The following RALGAPA1 variants were observed in gnomAD, a reference collection of about 807,000 sequenced individuals.
RALGAPA1 encodes Ral GTPase activating protein catalytic subunit alpha 1.
A neutral mutation model predicts 269.6 loss-of-function variants in RALGAPA1; 52 were observed. The observed-to-expected ratio is 0.19, with a 90% CI of 0.15 to 0.24. The LOEUF (loss-of-function observed/expected upper bound fraction) is 0.24, where lower values mean the gene tolerates loss of function less well. RALGAPA1 is among the 10% of genes least tolerant of loss of function. The pLI is 1.00. For missense variants in RALGAPA1, 1,917 were observed against 3,013.9 expected, an observed-to-expected ratio of 0.64 and a Z score of 8.52; for synonymous variants, 817 against 1,008.3, an observed-to-expected ratio of 0.81 and a Z score of 3.60.
chr14:35,790,710 T>G (rs2076104902), intron 1 of RALGAPA1, among the ~76,000 whole-genome samples: 1 of 149,744 alleles, frequency 6.7e-6, no homozygotes, highest in African/African-American at 2.5e-5. Context: ...AAAAGAAACC[T>G]TGGAACAAGT....
chr14:35,618,235 T>C lies in RALGAPA1; in HGVS notation c.6929+7126A>G, dbSNP rs1272300212. Among the ~76,000 whole-genome samples the C allele has an allele frequency of 2.0e-5, 3 of 152,002 alleles. No individual in the cohort carries two copies. The East Asian group carries it at 5.8e-4, about 29-fold the overall frequency. ...TAGTGGACTATAACCGAACTCAAAA[T>C]GAAATTCTGGTAAATCTAACACAAC... On this transcript the variant is annotated intron_variant, in intron 35 of 41. Coordinates refer to ENST00000680220, the MANE Select transcript of RALGAPA1 (RefSeq NM_001346249.2).
intron 16 of RALGAPA1, chr14:35,716,218 A>G (rs1197376437): frequency 3.8e-6 from 1 of 264,678 alleles, no homozygotes; most frequent in Non-Finnish European, 5.8e-6. Context: ...ACATGGTGAA[A>G]CCCCTTCTCA....
chr14:35,714,777 G>A (rs1351801084), intron 16 of RALGAPA1, among the ~76,000 whole-genome samples: 1 of 151,956 alleles, frequency 6.6e-6, no homozygotes, highest in South Asian at 2.1e-4. Flanking sequence ...TCTTTTAGAA[G>A]TTATTTCATG....
At chr14:35,772,180 C>T (rs2074684669) in intron 3 of RALGAPA1, among the ~76,000 whole-genome samples, 1 of 152,060 alleles carries the variant, frequency 6.6e-6, no homozygotes, top group Admixed American at 6.6e-5. Context: ...CTCAGCCTCC[C>T]AAATAGGACT....
chr14:35,636,358 A>G (rs1393077815), intron 31 of RALGAPA1, among the ~76,000 whole-genome samples: 1 of 152,210 alleles, frequency 6.6e-6, no homozygotes, highest in East Asian at 1.9e-4. Flanking sequence ...GCTAATCTTT[A>G]AAAACGAACT....
intron 4 of RALGAPA1, among the ~76,000 whole-genome samples, chr14:35,769,051 T>G (rs576946211): frequency 9.2e-6 from 1 of 108,308 alleles, no homozygotes; most frequent in Admixed American, 9.8e-5. Context: ...TATATATATA[T>G]ATATATATAT....
intron 35 of RALGAPA1, among the ~76,000 whole-genome samples, chr14:35,618,463 T>G (rs1186378716): frequency 6.6e-6 from 1 of 152,172 alleles, no homozygotes; most frequent in Non-Finnish European, 1.5e-5. Flanking sequence ...GGGTACTTTT[T>G]CAGCACAATA....
intron 4 of RALGAPA1, among the ~76,000 whole-genome samples, chr14:35,767,991 T>G (rs1188368798): frequency 2.0e-5 from 3 of 152,104 alleles, no homozygotes; most frequent in Admixed American, 2.0e-4. Context: ...CCCAGGCTGG[T>G]CTCGAACTCC....
chr14:35,674,576 A>G lies in RALGAPA1; in HGVS notation c.4758T>C (p.Asp1586=), dbSNP rs774173294. 190 of 1,608,766 alleles carry G rather than the reference A, an allele frequency of 1.2e-4. 4 individuals are homozygous for G. The South Asian group carries it at 2.1e-3, about 18-fold the overall frequency. The change falls in exon 23 of 42, where the codon GAT becomes GAC. Residue 1586 remains aspartate, a synonymous_variant. Transcript: ENST00000680220. ...CAAAAACTTGAGCATGTATTTCAGG[A>G]TCCATGATTGAATTTACATCTCCCA... ...GILGDVNSIM[D]PEIHAQVFDY...
At chr14:35,569,835 T>A (rs1489374253) in intron 39 of RALGAPA1, among the ~76,000 whole-genome samples, 1 of 152,206 alleles carries the variant, frequency 6.6e-6, no homozygotes, top group Non-Finnish European at 1.5e-5. Context: ...TAACAACATG[T>A]ACGCTGAATA....
chr14:35,620,517 T>C (rs1331058830), intron 35 of RALGAPA1, among the ~76,000 whole-genome samples: 1 of 152,028 alleles, frequency 6.6e-6, no homozygotes, highest in East Asian at 1.9e-4. Flanking sequence ...GCCAGGGCAA[T>C]CAAGCAGGAG....
rs1392325198 is a variant in RALGAPA1, at chr14:35,752,220, G to A, written c.664-58C>T. On this transcript the variant is annotated intron_variant, in intron 7 of 41. Transcript: ENST00000680220. ...AGAAGAAAGAATCTCTTAAATGCAA[G>A]TATTAGCAATTATAAACAAGCTTGT... The A allele has an allele frequency of 1.1e-5, 16 of 1,413,798 alleles. No individual in the cohort carries two copies. In the East Asian group the frequency reaches 4.1e-4, roughly 36 times the overall value. The allele number at this position is 1,413,798 out of a possible 1,614,324, so 87.6% of individuals were successfully genotyped here.
chr14:35,688,758 A>G lies in RALGAPA1; in HGVS notation c.3653T>C (p.Leu1218Pro). ...KPGVYRPLDT[L>P]GTASVSSKTV... is the part of the protein sequence containing the mutation. ...TTTGCTGCTTACTGATGCAGTACCAAGTGTATCTAGAGGTCTGTACACACC... is the reference window on the plus strand; with the variant it reads ...TTTGCTGCTTACTGATGCAGTACCAGGTGTATCTAGAGGTCTGTACACACC... Residue 1218 changes from leucine to proline, a missense_variant, in exon 18 of 42, where the codon CTT becomes CCT. Coordinates refer to ENST00000680220, the MANE Select transcript of RALGAPA1 (RefSeq NM_001346249.2). The G allele has an allele frequency of 6.9e-7, 1 of 1,456,814 alleles. No homozygotes were observed. The highest frequency in any genetic ancestry group is 2.6e-5 in the Admixed American group (1 of 38,868). 90.2% of individuals were successfully genotyped at this position (1,456,814 alleles called of 1,614,324 possible).
chr14:35,577,020 T>C (rs186735743), intron 37 of RALGAPA1, among the ~76,000 whole-genome samples: 1 of 152,326 alleles, frequency 6.6e-6, no homozygotes, highest in East Asian at 1.9e-4. Context: ...TTCCCTAATC[T>C]AGTAATCCTA....
At chr14:35,625,911 G>A (rs2060964479) in intron 34 of RALGAPA1, among the ~76,000 whole-genome samples, 1 of 152,078 alleles carries the variant, frequency 6.6e-6, no homozygotes, top group African/African-American at 2.4e-5. Context: ...CCTTCCATGG[G>A]TGCTAAATAT....
intron 37 of RALGAPA1, among the ~76,000 whole-genome samples, chr14:35,575,590 C>T (rs1263770175): frequency 6.6e-6 from 1 of 151,952 alleles, no homozygotes; most frequent in African/African-American, 2.4e-5. Flanking sequence ...ACAAATCAAC[C>T]CATTTCTTAT....
At chr14:35,635,810 T>G (rs1341064198) in intron 31 of RALGAPA1, among the ~76,000 whole-genome samples, 1 of 152,050 alleles carries the variant, frequency 6.6e-6, no homozygotes, top group Non-Finnish European at 1.5e-5. Context: ...GCAAGCATAA[T>G]GAAACAGTAA....
At chr14:35,554,713 T>C (rs2055426576) in intron 39 of RALGAPA1, among the ~76,000 whole-genome samples, 1 of 152,204 alleles carries the variant, frequency 6.6e-6, no homozygotes, top group Non-Finnish European at 1.5e-5. Context: ...GGTTCTTCAA[T>C]GTTACTTCTT....
chr14:35,556,362 G>C (rs1415949978), intron 39 of RALGAPA1, among the ~76,000 whole-genome samples: 1 of 152,104 alleles, frequency 6.6e-6, no homozygotes, highest in East Asian at 1.9e-4. Flanking sequence ...TATAAAGCAA[G>C]ATCTGATAAA....
Sources: gnomAD v4.1 joint callset for allele counts (sites outside exome capture counted in the v4.1 genomes callset) on GRCh38, gnomAD v4.1.1 for gene constraint, MANE v1.5 for transcripts, NCBI Gene and HGNC (gene_info 2026-07-23, HGNC 2026-07-21) for gene names.